Variants in SLCO1B1 observed in about 807,000 individuals in gnomAD.
SLCO1B1 encodes solute carrier organic anion transporter family member 1B1, also known as OATP-2.
Under a neutral mutation model 70.1 loss-of-function variants are expected in SLCO1B1, and 81 were observed. The ratio of observed to expected loss-of-function variants is 1.16; its 90% CI spans 0.97 to 1.39. The LOEUF (loss-of-function observed/expected upper bound fraction) is 1.39, where lower values mean the gene tolerates loss of function less well. SLCO1B1 is among the 40% of genes most tolerant of loss of function. The pLI is 0.00. For missense variants in SLCO1B1, 895 were observed against 799.6 expected (o/e 1.12, Z -1.44); for synonymous variants, 283 against 271.5 (o/e 1.04, Z -0.42).
intron 11 of SLCO1B1, among the ~76,000 whole-genome samples, chr12:21,211,612 A>C (rs1448893682): frequency 6.6e-6 from 1 of 152,016 alleles, no homozygotes; most frequent in African/African-American, 2.4e-5. Flanking sequence ...TTTTCTATTG[A>C]CTGGAATAGT....
chr12:21,147,939 T>G (rs1940410017), intron 2 of SLCO1B1, among the ~76,000 whole-genome samples: 1 of 152,232 alleles, frequency 6.6e-6, no homozygotes, highest in Non-Finnish European at 1.5e-5. Flanking sequence ...GCAGTTTTGA[T>G]TTGCATTCTC....
Position 21,239,136 on chromosome 12 carries a change from A to T in SLCO1B1, c.2023A>T (p.Lys675Ter). 2 of 1,613,260 alleles carry T rather than the reference A, an allele frequency of 1.2e-6. No homozygotes were observed. Among genetic ancestry groups the T allele is most frequent in the South Asian group, 2.2e-5 (2 of 91,004 alleles). The part of the protein sequence containing the change: ...MDEANLESLN[K>*]NKHFVPSAGA... ...TGAAGCAAACTTAGAATCCTTAAAT[A>T]AAAATAAACATTTTGTCCCTTCTGC... Residue 675 changes from lysine (K) to a stop codon, truncating the protein, a stop_gained, in exon 15 of 15, where the codon AAA (lysine) becomes TAA (stop). Transcript: ENST00000256958. LOFTEE classifies it low-confidence loss of function (END_TRUNC).
At chr12:21,164,654 T>C (rs745868531) in intron 2 of SLCO1B1, among the ~76,000 whole-genome samples, 4 of 152,160 alleles carry the variant, frequency 2.6e-5, no homozygotes, top group African/African-American at 7.2e-5. Context: ...ACACAAATAA[T>C]ATTTCTGTTT....
chr12:21,205,766 C>A, intron 10 of SLCO1B1, 102 bp from the exon 11 acceptor site: 1 of 760,570 alleles, frequency 1.3e-6, no homozygotes. Flanking sequence ...TACTTTTTTT[C>A]CCTCTTTCTC....
chr12:21,219,627 A>T (rs1210960871), intron 12 of SLCO1B1, among the ~76,000 whole-genome samples: 2 of 152,248 alleles, frequency 1.3e-5, no homozygotes, highest in Non-Finnish European at 2.9e-5. Context: ...GAAGTCAGGG[A>T]AAACAGAAGG....
chr12:21,195,066 G>A (rs1941075500), intron 7 of SLCO1B1, among the ~76,000 whole-genome samples: 1 of 152,110 alleles, frequency 6.6e-6, no homozygotes, highest in East Asian at 1.9e-4. Context: ...CTCCCACCAG[G>A]CCCTACCTCC....
intron 1 of SLCO1B1, among the ~76,000 whole-genome samples, chr12:21,136,535 T>C (rs1367911531): frequency 6.6e-6 from 1 of 152,182 alleles, no homozygotes; most frequent in Non-Finnish European, 1.5e-5. Flanking sequence ...CGTTTCTTTT[T>C]ATTCTTTTTT....
At chr12:21,149,120 T>C (rs564455604) in intron 2 of SLCO1B1, among the ~76,000 whole-genome samples, 1 of 152,292 alleles carries the variant, frequency 6.6e-6, no homozygotes, top group South Asian at 2.1e-4. Flanking sequence ...AAGGAGATTT[T>C]GGGCTGAGAC....
At chr12:21,163,959 A>G (rs1165409278) in intron 2 of SLCO1B1, among the ~76,000 whole-genome samples, 2 of 152,044 alleles carry the variant, frequency 1.3e-5, no homozygotes, top group Non-Finnish European at 2.9e-5. Context: ...AAAAAATGTA[A>G]CAGCCAGAAT....
intron 1 of SLCO1B1, among the ~76,000 whole-genome samples, chr12:21,135,974 A>G (rs1159467354): frequency 1.3e-5 from 2 of 152,074 alleles, no homozygotes; most frequent in Admixed American, 6.5e-5. Flanking sequence ...GGCTGGTACC[A>G]GTTGTTCCTT....
In SLCO1B1 at chr12:21,141,664, AT is replaced by A. The variant is rs777741629; in HGVS notation, c.84+7del. The A allele has an allele frequency of 3.8e-6, 6 of 1,578,460 alleles. No homozygotes were observed. Among genetic ancestry groups the A allele is most frequent in the Non-Finnish European group, 5.2e-6 (6 of 1,150,352 alleles). On this transcript the variant is annotated splice_region_variant and intron_variant, in intron 2 of 14. Transcript: ENST00000256958. ...GATACTGCAATGGATTGAAGGTAGA[AT>A]AAGTTTTATGTTTTTGAGCTAAAAT...
At chr12:21,170,948 C>T (rs1019085473) in intron 2 of SLCO1B1, among the ~76,000 whole-genome samples, 1 of 152,204 alleles carries the variant, frequency 6.6e-6, no homozygotes, top group Non-Finnish European at 1.5e-5. Context: ...AATGTTCACT[C>T]ATTATTTCTT....
chr12:21,179,626 A>T (rs1940868582), intron 7 of SLCO1B1, among the ~76,000 whole-genome samples: 1 of 152,166 alleles, frequency 6.6e-6, no homozygotes, highest in South Asian at 2.1e-4. Flanking sequence ...GCCATGTTAT[A>T]AAAACTGTCT....
Position 21,166,320 on chromosome 12 carries a change from G to A in SLCO1B1, c.85-6330G>A, listed in dbSNP as rs576590561. 1.6e-4 allele frequency among the ~76,000 whole-genome samples: 24 copies of A among 152,168 alleles called. No homozygotes were observed. In the South Asian group the frequency reaches 4.8e-3, roughly 30 times the overall value. On this transcript the variant is annotated intron_variant, in intron 2 of 14. Coordinates refer to ENST00000256958, the MANE Select transcript of SLCO1B1 (RefSeq NM_006446.5). ...AGCAACAAGAGTAGGAAATAATCAT[G>A]GGCAAGAGTTCCTTAATAAGATTAA...
intron 2 of SLCO1B1, among the ~76,000 whole-genome samples, chr12:21,152,344 A>T (rs1940481998): frequency 1.3e-5 from 2 of 151,846 alleles, no homozygotes; most frequent in East Asian, 3.9e-4. Context: ...AGTCCAATAA[A>T]TCCAACATCC....
At chr12:21,197,765 A>G (rs1377918585) in intron 8 of SLCO1B1, among the ~76,000 whole-genome samples, 2 of 152,134 alleles carry the variant, frequency 1.3e-5, no homozygotes, top group Non-Finnish European at 2.9e-5. Context: ...TTTGGTAATT[A>G]TCTATCTATC....
intron 11 of SLCO1B1, among the ~76,000 whole-genome samples, chr12:21,215,448 A>G (rs1366423488): frequency 1.3e-5 from 2 of 152,174 alleles, no homozygotes; most frequent in African/African-American, 4.8e-5. Context: ...TATACTGTTT[A>G]TCCTAAATTC....
chr12:21,205,831 T>A (rs367936860), intron 10 of SLCO1B1, 37 bp from the exon 11 acceptor site: 2 of 1,475,350 alleles, frequency 1.4e-6, no homozygotes, highest in African/African-American at 2.8e-5. Context: ...TTCTTCTCTC[T>A]CTCTCTTTTT....
intron 11 of SLCO1B1, among the ~76,000 whole-genome samples, chr12:21,209,374 C>T (rs1941252826): frequency 6.6e-6 from 1 of 152,146 alleles, no homozygotes; most frequent in African/African-American, 2.4e-5. Flanking sequence ...CATGTCCCTA[C>T]AAAGGACATG....
Sources: allele counts gnomAD v4.1 joint callset (sites outside exome capture counted in the v4.1 genomes callset), GRCh38; gene constraint gnomAD v4.1.1; transcripts MANE v1.5; gene names NCBI Gene and HGNC (gene_info 2026-07-23, HGNC 2026-07-21).